RNF213: variants seen among roughly 807,000 people sequenced by gnomAD.
The protein encoded by RNF213 is E3 ubiquitin-protein ligase RNF213.
Under a neutral mutation model 514.4 loss-of-function variants are expected in RNF213, and 341 were observed. The ratio of observed to expected loss-of-function variants is 0.66; its 90% CI spans 0.61 to 0.73. RNF213 has a LOEUF of 0.73. Among genes scored for constraint, RNF213 ranks in the 30% least tolerant of loss-of-function variants. RNF213 has a pLI of 0.00. For missense variants in RNF213, 5,767 were observed against 6,615.6 expected (o/e 0.87, Z 4.45); for synonymous variants, 2,655 against 2,658.2 (o/e 1.00, Z 0.04).
At chr17:80,267,907 C>T (rs1188862118) in intron 2 of RNF213, among the ~76,000 whole-genome samples, 1 of 151,646 alleles carries the variant, frequency 6.6e-6, no homozygotes, top group Admixed American at 6.6e-5. Context: ...GCAACCTCCG[C>T]CTCCCAGGTT....
At position 80,317,143 on chromosome 17, in the gene RNF213, C is replaced by T; in HGVS notation, c.2812-45C>T. ...CTCCTTTCATGGGAGTGTGCCGTGG[C>T]ATTTAGTCGTGAGAGTGGGTGTGAC... is the stretch of plus-strand genomic sequence containing the variant. On this transcript the variant is annotated intron_variant, in intron 15 of 67. Coordinates refer to ENST00000582970, the MANE Select transcript of RNF213 (RefSeq NM_001256071.3). The surrounding 1 kb of genome is among the most constrained non-coding windows in gnomAD (Gnocchi z 4.1). The T allele has an allele frequency of 1.3e-6, 2 of 1,581,482 alleles. No individual in the cohort carries two copies. The highest frequency in any genetic ancestry group is 1.7e-6 in the Non-Finnish European group (2 of 1,157,552).
intron 14 of RNF213, 98 bp from the exon 15 acceptor site, chr17:80,312,914 C>T (rs2045619372): frequency 1.4e-6 from 2 of 1,395,564 alleles, no homozygotes; most frequent in East Asian, 2.3e-5. Context: ...CCTTGAGCAG[C>T]CTGTGCCAGC....
At chr17:80,352,013 C>T (rs1459282941) in intron 32 of RNF213, 1 of 423,514 alleles carries the variant, frequency 2.4e-6, no homozygotes, top group Non-Finnish European at 4.4e-6. Context: ...CGCCACCATG[C>T]CCAGCTAATT....
At chr17:80,286,504 C>T (rs1487765482) in intron 3 of RNF213, among the ~76,000 whole-genome samples, 1 of 152,124 alleles carries the variant, frequency 6.6e-6, no homozygotes, top group Non-Finnish European at 1.5e-5. Flanking sequence ...GGTGGGAACG[C>T]AGCCTCCTCC....
intron 32 of RNF213, chr17:80,352,668 G>C: frequency 1.6e-6 from 1 of 622,220 alleles, no homozygotes; most frequent in Non-Finnish European, 2.9e-6. Context: ...AGAACCACAG[G>C]CCTTATCCAT....
At chr17:80,372,409 G>T (rs2079551566) in intron 47 of RNF213, 112 bp from the exon 48 acceptor site, 1 of 787,750 alleles carries the variant, frequency 1.3e-6, no homozygotes, top group Non-Finnish European at 2.1e-6. Flanking sequence ...GAAACCTACA[G>T]TAACATTCTT....
chr17:80,270,105 T>C (rs1160766040), intron 2 of RNF213, among the ~76,000 whole-genome samples: 1 of 152,258 alleles, frequency 6.6e-6, no homozygotes, highest in Non-Finnish European at 1.5e-5. Flanking sequence ...TGCGTGAATG[T>C]GTGCGCACAC....
Position 80,377,615 on chromosome 17 carries a change from G to GTAACT in RNF213, c.13511-142_13511-138dup. The GTAACT allele has an allele frequency of 1.2e-6, 1 of 848,564 alleles. No homozygotes were observed. Among genetic ancestry groups the GTAACT allele is most frequent in the Non-Finnish European group, 2.1e-6 (1 of 483,440 alleles). 52.6% of individuals were successfully genotyped at this position (848,564 alleles called of 1,614,324 possible). On this transcript the variant is annotated intron_variant, in intron 53 of 67. Transcript: ENST00000582970. This position sits in a 1 kb window ranked among gnomAD's most constrained non-coding sequence, Gnocchi z 4.1. ...TTATTAAGCTTCAGGCAGGTGTCAT[G>GTAACT]TAACTTAACAAATTAGCGTGGGATG...
chr17:80,288,374 C>T lies in RNF213; in HGVS notation c.810+11C>T, dbSNP rs759992042. On this transcript the variant is annotated intron_variant, in intron 4 of 67. Transcript: ENST00000582970. This position sits in a 1 kb window ranked among gnomAD's most constrained non-coding sequence, Gnocchi z 4.9. Reference sequence around the variant, plus strand: ...GCCTCAGCCTCTATGGTGAGTCATCCGGGAGAGATGGCCTGGGAGTGGCAC... The same window carrying T: ...GCCTCAGCCTCTATGGTGAGTCATCTGGGAGAGATGGCCTGGGAGTGGCAC... 30 of 1,611,462 alleles carry T rather than the reference C, an allele frequency of 1.9e-5. No homozygotes were observed. The highest frequency in any genetic ancestry group is 1.7e-4 in the Middle Eastern group (1 of 5,778).
intron 10 of RNF213, among the ~76,000 whole-genome samples, chr17:80,296,476 T>C (rs1244398151): frequency 6.6e-6 from 1 of 152,150 alleles, no homozygotes; most frequent in East Asian, 1.9e-4. Context: ...GCCTGTGCCG[T>C]GTCTAGTTCA....
In RNF213 at chr17:80,346,584, A is replaced by G; in HGVS notation, c.8249A>G (p.Glu2750Gly). ...ATCGCCAAGAACTTGGCCTTGAAGG[A>G]GAACGTCTTCATGATGGTCGTCTGC... is the stretch of plus-strand genomic sequence containing the variant. ...KTIAKNLALKENVFMMVVCIE... is the reference protein window; with the variant it reads ...KTIAKNLALKGNVFMMVVCIE... Residue 2750 changes from glutamate (E) to glycine (G), a missense_variant, in exon 29 of 68, where the codon GAG becomes GGG. This residue lies in a region of RNF213 where 105 missense variants were observed against 183.9 expected (regional missense o/e 0.57). Transcript: ENST00000582970. This position sits in a 1 kb window ranked among gnomAD's most constrained non-coding sequence, Gnocchi z 8.1. 1 of 1,613,386 alleles carries G rather than the reference A, an allele frequency of 6.2e-7. No individual in the cohort carries two copies. The highest frequency in any genetic ancestry group is 8.5e-7 in the Non-Finnish European group (1 of 1,180,040).
At chr17:80,338,600 A>G (rs1307664359) in intron 25 of RNF213, among the ~76,000 whole-genome samples, 1 of 151,640 alleles carries the variant, frequency 6.6e-6, no homozygotes, top group Non-Finnish European at 1.5e-5. Context: ...CCTGGGCAAC[A>G]TAGCGAGACC....
chr17:80,365,775 C>A (rs2079243660), intron 42 of RNF213, among the ~76,000 whole-genome samples: 1 of 152,194 alleles, frequency 6.6e-6, no homozygotes, highest in African/African-American at 2.4e-5. Context: ...TGCAGCCTCT[C>A]CAAGTCTCAT....
At position 80,340,010 on chromosome 17, in the gene RNF213, C is replaced by A. The variant is rs865830903; in HGVS notation, c.5643C>A (p.Cys1881Ter). ...AGGTGGCACTGTTGCTGCGCCGCTG[C>A]CTGACCCTGGGCTCCCTGGGGCACA... ...FEEVALLLRR[C>*]LTLGSLGHKV... Residue 1881 changes from cysteine to a stop codon, truncating the protein, a stop_gained, in exon 26 of 68, where the codon TGC (cysteine) becomes TGA (stop). Transcript: ENST00000582970. LOFTEE classifies it high-confidence loss of function. The A allele has an allele frequency of 6.5e-7, 1 of 1,540,716 alleles. No homozygotes were observed. The highest frequency in any genetic ancestry group is 8.7e-7 in the Non-Finnish European group (1 of 1,148,008).
In RNF213 at chr17:80,371,945, AT is replaced by A; in HGVS notation, c.12498del (p.Asp4166GlufsTer30). The A allele has an allele frequency of 6.3e-7, 1 of 1,598,140 alleles. No individual in the cohort carries two copies. Among genetic ancestry groups the A allele is most frequent in the Non-Finnish European group, 8.6e-7 (1 of 1,165,404 alleles). On this transcript the variant is annotated frameshift_variant, in exon 47 of 68. Coordinates refer to ENST00000582970, the MANE Select transcript of RNF213 (RefSeq NM_001256071.3). LOFTEE classifies it high-confidence loss of function. ...AAAAAGAAAGCATTCATAACTGAAG[AT>A]AAAACTGAACTGTACATGCTCTTCA... The part of the protein sequence containing the change: ...LLKKKAFITE[D>X]KTELYMLFIN...
At chr17:80,371,579 CATA>C (rs1450771328) in intron 46 of RNF213, 1 of 215,666 alleles carries the variant, frequency 4.6e-6, no homozygotes, top group Non-Finnish European at 9.2e-6. Flanking sequence ...TTCCTAATAT[CATA>C]AATATTGATA....
chr17:80,393,469 G>T lies in RNF213; in HGVS notation c.15595G>T (p.Val5199Leu). The T allele has an allele frequency of 1.9e-6, 3 of 1,614,226 alleles. No homozygotes were observed. Among genetic ancestry groups the T allele is most frequent in the Non-Finnish European group, 2.5e-6 (3 of 1,180,046 alleles). Residue 5199 changes from valine to leucine, a missense_variant, in exon 68 of 68, where the codon GTG becomes TTG. Physicochemically the swap from Val to Leu is conservative, Grantham distance 32. Coordinates refer to ENST00000582970, the MANE Select transcript of RNF213 (RefSeq NM_001256071.3). The stretch of plus-strand genomic sequence containing the variant: ...TGTCTCAGTGTGGAAAACAGCTGCT[G>T]TGCTGAAATGGAATCGAGAAATGAG... ...SCVSVWKTAA[V>L]LKWNREMR
chr17:80,377,277 C>T lies in RNF213; in HGVS notation c.13510+314C>T, dbSNP rs1349156166. 2.3e-6 allele frequency: 1 copy of T among 434,210 alleles called. No individual in the cohort carries two copies. Among genetic ancestry groups the T allele is most frequent in the Admixed American group, 3.8e-5 (1 of 26,358 alleles). 26.9% of individuals were successfully genotyped at this position (434,210 alleles called of 1,614,324 possible). Reference sequence around the variant, plus strand: ...ACCACATCAGAGACGCATTCAAAGGCCCACCACAAAACAAAGTTTTTGACA... The same window carrying T: ...ACCACATCAGAGACGCATTCAAAGGTCCACCACAAAACAAAGTTTTTGACA... On this transcript the variant is annotated intron_variant, in intron 53 of 67. Coordinates refer to ENST00000582970, the MANE Select transcript of RNF213 (RefSeq NM_001256071.3). The surrounding 1 kb of genome is among the most constrained non-coding windows in gnomAD (Gnocchi z 4.1).
At chr17:80,293,429 C>T (rs927320405) in intron 8 of RNF213, among the ~76,000 whole-genome samples, 22 of 152,062 alleles carry the variant, frequency 1.4e-4, no homozygotes, top group Non-Finnish European at 2.6e-4. Context: ...GGCATTAGTC[C>T]GGTAATTCCA....
Sources: allele counts gnomAD v4.1 joint callset (sites outside exome capture counted in the v4.1 genomes callset), GRCh38; gene constraint gnomAD v4.1.1; regional missense constraint gnomAD v4.1.1; non-coding constraint Gnocchi (gnomAD v3.1); transcripts MANE v1.5; gene names NCBI Gene and HGNC (gene_info 2026-07-23, HGNC 2026-07-21).